SH3PXD2B: variants seen among roughly 807,000 people sequenced by gnomAD.
The protein encoded by SH3PXD2B is SH3 and PX domain-containing protein 2B.
Under a neutral mutation model 73.1 loss-of-function variants are expected in SH3PXD2B, and 37 were observed. The ratio of observed to expected loss-of-function variants is 0.51; its 90% CI spans 0.39 to 0.67. The LOEUF is 0.67. Ranked by LOEUF, SH3PXD2B falls within the 30% of genes least tolerant of loss-of-function variation. SH3PXD2B has a pLI of 0.00. For synonymous variants in SH3PXD2B, 457 were observed against 480.5 expected (o/e 0.95, Z 0.64); for missense variants, 1,053 against 1,197.8 (o/e 0.88, Z 1.78).
At chr5:172,342,440 C>CA (rs1756879488) in intron 12 of SH3PXD2B, among the ~76,000 whole-genome samples, 2 of 152,218 alleles carry the variant, frequency 1.3e-5, no homozygotes, top group Admixed American at 6.5e-5. Context: ...GGGTGGGCTT[C>CA]AGAGTCACCT....
In SH3PXD2B at chr5:172,347,309, G is replaced by C; in HGVS notation, c.1036C>G (p.Pro346Ala). 1.2e-6 allele frequency: 2 copies of C among 1,614,130 alleles called. No homozygotes were observed. Among genetic ancestry groups the C allele is most frequent in the Non-Finnish European group, 1.7e-6 (2 of 1,180,012 alleles). ...ATGGTCATGTCCCGGCGAGGAGGGG[G>C]TCTCTGCCTCATCTTTGGTGATCCT... ...KQRSPKMRQRPPPRRDMTIPR... is the reference protein window; with the variant it reads ...KQRSPKMRQRAPPRRDMTIPR... Residue 346 changes from proline (P) to alanine (A), a missense_variant, in exon 11 of 13, where the codon CCC becomes GCC. Pro to Ala is a conservative substitution (Grantham distance 27). Coordinates refer to ENST00000311601, the MANE Select transcript of SH3PXD2B (RefSeq NM_001017995.3).
chr5:172,377,753 T>C (rs1363581812), intron 5 of SH3PXD2B, among the ~76,000 whole-genome samples: 2 of 152,226 alleles, frequency 1.3e-5, no homozygotes. Context: ...GTATATAAGA[T>C]ATGAGATAAG....
At chr5:172,437,132 T>G (rs1324636103) in intron 1 of SH3PXD2B, among the ~76,000 whole-genome samples, 1 of 151,966 alleles carries the variant, frequency 6.6e-6, no homozygotes, top group Non-Finnish European at 1.5e-5. Flanking sequence ...ATGGTCCTCG[T>G]GGGTGCTGGG....
At chr5:172,420,427 C>G (rs1257963546) in intron 2 of SH3PXD2B, among the ~76,000 whole-genome samples, 1 of 152,072 alleles carries the variant, frequency 6.6e-6, no homozygotes, top group Non-Finnish European at 1.5e-5. Context: ...TATTTCCCCT[C>G]CCCCTACAAA....
At chr5:172,383,139 T>G (rs1449307206) in intron 4 of SH3PXD2B, among the ~76,000 whole-genome samples, 1 of 152,218 alleles carries the variant, frequency 6.6e-6, no homozygotes, top group Admixed American at 6.5e-5. Flanking sequence ...ATCTTTAGGT[T>G]ATTTCCAACA....
chr5:172,329,083 A>ATAT (rs58472514), downstream of SH3PXD2B, among the ~76,000 whole-genome samples: 7 of 61,810 alleles, frequency 1.1e-4, no homozygotes, highest in Middle Eastern at 0.015. Context: ...ATATATATAT[A>ATAT]TTTTTTTTTT....
chr5:172,396,104 G>A (rs1411219476), intron 3 of SH3PXD2B, among the ~76,000 whole-genome samples: 1 of 149,824 alleles, frequency 6.7e-6, no homozygotes, highest in African/African-American at 2.5e-5. Context: ...TGTAATCCCA[G>A]CAGTTTGGGA....
At chr5:172,347,093 T>G (rs1581264411) in intron 11 of SH3PXD2B, among the ~76,000 whole-genome samples, 190 bp downstream of exon 11, 1 of 152,264 alleles carries the variant, frequency 6.6e-6, no homozygotes, top group African/African-American at 2.4e-5. Context: ...GGCAAACTGT[T>G]TCACCTGCCT....
downstream of SH3PXD2B, among the ~76,000 whole-genome samples, chr5:172,329,072 TA>T (rs1756502357): frequency 1.2e-5 from 1 of 80,738 alleles, no homozygotes; most frequent in African/African-American, 4.6e-5. Context: ...TATATATATA[TA>T]TATATATATA....
At chr5:172,404,533 C>G (rs1174670130) in intron 3 of SH3PXD2B, among the ~76,000 whole-genome samples, 1 of 152,132 alleles carries the variant, frequency 6.6e-6, no homozygotes, top group African/African-American at 2.4e-5. Context: ...CTCAGATAAT[C>G]CACTCACCTT....
At chr5:172,425,375 C>G (rs529775142) in intron 1 of SH3PXD2B, among the ~76,000 whole-genome samples, 1 of 152,070 alleles carries the variant, frequency 6.6e-6, no homozygotes, top group Non-Finnish European at 1.5e-5. Flanking sequence ...GGCAGGACCC[C>G]GAAGTCTGCA....
intron 4 of SH3PXD2B, among the ~76,000 whole-genome samples, chr5:172,385,633 G>A (rs1758045053): frequency 6.6e-6 from 1 of 152,184 alleles, no homozygotes; most frequent in African/African-American, 2.4e-5. Flanking sequence ...CCCTGGAGGT[G>A]GTCACTGTCT....
intron 1 of SH3PXD2B, among the ~76,000 whole-genome samples, chr5:172,426,481 G>A (rs891218197): frequency 2.0e-5 from 3 of 152,206 alleles, no homozygotes; most frequent in East Asian, 1.9e-4. Context: ...GGAGTGCAAC[G>A]TTCAGCTTCC....
At chr5:172,359,128 G>A (rs956803952) in intron 7 of SH3PXD2B, among the ~76,000 whole-genome samples, 3 of 152,090 alleles carry the variant, frequency 2.0e-5, no homozygotes, top group South Asian at 2.1e-4. Context: ...GGCAGGGCAC[G>A]GTGGCTCATG....
intron 1 of SH3PXD2B, among the ~76,000 whole-genome samples, chr5:172,434,725 C>CT (rs1759326578): frequency 6.6e-6 from 1 of 151,432 alleles, no homozygotes; most frequent in Non-Finnish European, 1.5e-5. Flanking sequence ...CTGGGGCTGC[C>CT]GCACTGGTCC....
At chr5:172,382,239 C>T (rs1259355711) in intron 4 of SH3PXD2B, 112 bp from the exon 5 acceptor site, 1 of 860,462 alleles carries the variant, frequency 1.2e-6, no homozygotes, top group African/African-American at 1.7e-5. Context: ...TTGTTTGAAC[C>T]TGGGAGGCGG....
intron 1 of SH3PXD2B, among the ~76,000 whole-genome samples, chr5:172,436,572 C>T (rs749169794): frequency 1.3e-5 from 2 of 152,218 alleles, no homozygotes; most frequent in Non-Finnish European, 2.9e-5. Context: ...GGGAGGAAAG[C>T]TGGAACCAGA....
At position 172,335,109 on chromosome 5, in the gene SH3PXD2B, G is replaced by C. The variant is rs983324239; in HGVS notation, c.*3260C>G. 31 of 985,940 alleles carry C rather than the reference G, an allele frequency of 3.1e-5. No individual in the cohort carries two copies. The South Asian group carries it at 7.0e-4, about 22-fold the overall frequency. 61.1% of individuals were successfully genotyped at this position (985,940 alleles called of 1,614,324 possible). On this transcript the variant is annotated 3_prime_UTR_variant, in exon 13 of 13. Transcript: ENST00000311601. ...TTCCGAGCAGAACATGTGAGCAAAG[G>C]CCTCTTTTATCAAGAGGTGGTCTTA...
Position 172,347,142 on chromosome 5 carries a change from T to C in SH3PXD2B, c.1062+141A>G, listed in dbSNP as rs1757014285. On this transcript the variant is annotated intron_variant, in intron 11 of 12. Coordinates refer to ENST00000311601, the MANE Select transcript of SH3PXD2B (RefSeq NM_001017995.3). ...TCCACCTGCGAGTGGGACTAGCATT[T>C]CTACAGCCTGCTTCACAAGGCTGTT... 3.5e-6 allele frequency: 3 copies of C among 856,834 alleles called. No homozygotes were observed. In the South Asian group the frequency reaches 4.7e-5, roughly 13 times the overall value. 53.1% of individuals were successfully genotyped at this position (856,834 alleles called of 1,614,324 possible).
Sources: gnomAD v4.1 joint callset for allele counts (sites outside exome capture counted in the v4.1 genomes callset) on GRCh38, gnomAD v4.1.1 for gene constraint, MANE v1.5 for transcripts, NCBI Gene and HGNC (gene_info 2026-07-23, HGNC 2026-07-21) for gene names.